The following DNAJC13 variants were observed in gnomAD, a reference collection of about 807,000 sequenced individuals.
DNAJC13 encodes the protein DnaJ heat shock protein family (Hsp40) member C13.
A neutral mutation model predicts 290.5 loss-of-function variants in DNAJC13; 75 were observed. That is an observed-to-expected ratio of 0.26 (90% CI 0.21 to 0.31). The LOEUF is 0.31. DNAJC13 is among the 10% of genes least tolerant of loss of function. DNAJC13 has a pLI of 1.00. For missense variants in DNAJC13, 2,260 were observed against 2,674.5 expected, an observed-to-expected ratio of 0.85 and a Z score of 3.42; for synonymous variants, 862 against 892.0, an observed-to-expected ratio of 0.97 and a Z score of 0.60.
intron 8 of DNAJC13, 101 bp downstream of exon 8, chr3:132,453,795 G>T: frequency 1.0e-6 from 1 of 956,414 alleles, no homozygotes; most frequent in Non-Finnish European, 1.6e-6. Context: ...AAAGAATATG[G>T]AATGGACAGA....
chr3:132,482,386 G>A (rs1219347347), intron 27 of DNAJC13, 56 bp downstream of exon 27: 7 of 1,375,352 alleles, frequency 5.1e-6, no homozygotes, highest in Middle Eastern at 1.8e-4. Context: ...ATGCCCTCCT[G>A]CTTAGCACTT....
chr3:132,508,040 T>G (rs1001817312), intron 43 of DNAJC13, among the ~76,000 whole-genome samples: 1 of 152,266 alleles, frequency 6.6e-6, no homozygotes, highest in Non-Finnish European at 1.5e-5. Flanking sequence ...TGACAAGAAA[T>G]TGAAACAGCC....
rs199984634 is a variant in DNAJC13 at position 132,479,207 on chromosome 3, A to T, written c.2710-20A>T. On this transcript the variant is annotated intron_variant, in intron 24 of 55. Transcript: ENST00000260818. ...TTTATTTCTATTCACTTCTGACCAG[A>T]TTCTCATTTATTTCAATAGTGCACA... 1.5e-5 allele frequency: 24 copies of T among 1,549,552 alleles called. No individual in the cohort carries two copies. The highest frequency in any genetic ancestry group is 2.0e-5 in the Non-Finnish European group (23 of 1,125,136).
chr3:132,447,582 AT>A (rs1200908865), intron 4 of DNAJC13, 112 bp downstream of exon 4: 1 of 1,127,362 alleles, frequency 8.9e-7, no homozygotes, highest in Non-Finnish European at 1.2e-6. Flanking sequence ...CACTATGATT[AT>A]TTTTTTCTTA....
intron 53 of DNAJC13, 89 bp downstream of exon 53, chr3:132,526,370 G>A: frequency 6.6e-7 from 1 of 1,526,144 alleles, no homozygotes; most frequent in Non-Finnish European, 8.9e-7. Context: ...TGGTTTCCTT[G>A]ACTTAAGGTT....
At chr3:132,461,027 G>A (rs777155465) in intron 14 of DNAJC13, 23 bp from the exon 15 acceptor site, 67 of 1,609,948 alleles carry the variant, frequency 4.2e-5, no homozygotes, top group Non-Finnish European at 5.3e-5. Flanking sequence ...AAGTCTTTAA[G>A]AGAATCTGTT....
rs930234532 is a variant in DNAJC13, at chr3:132,469,754, A to T, written c.2208+2441A>T. 2.0e-5 allele frequency among the ~76,000 whole-genome samples: 3 copies of T among 151,956 alleles called. No individual in the cohort carries two copies. In the South Asian group the frequency reaches 6.2e-4, roughly 31 times the overall value. ...GGAAACATTTTCTTATATAACTTTT[A>T]GGGTTTATATTTGAAATAATATCTT... On this transcript the variant is annotated intron_variant, in intron 20 of 55. Coordinates refer to ENST00000260818, the MANE Select transcript of DNAJC13 (RefSeq NM_015268.4).
intron 1 of DNAJC13, among the ~76,000 whole-genome samples, chr3:132,419,165 G>A (rs1047709219): frequency 3.9e-5 from 6 of 152,142 alleles, no homozygotes; most frequent in Admixed American, 2.0e-4. Context: ...TTGAAAACAG[G>A]AAGTAGAACA....
rs11394552 is a variant in DNAJC13 at position 132,532,714 on chromosome 3, G to GAAA, written c.6625+1624_6625+1626dup. Among the ~76,000 whole-genome samples the GAAA allele has an allele frequency of 2.7e-5, 4 of 150,274 alleles. No homozygotes were observed. In the East Asian group the frequency reaches 5.8e-4, roughly 22 times the overall value. On this transcript the variant is annotated intron_variant, in intron 55 of 55. Coordinates refer to ENST00000260818, the MANE Select transcript of DNAJC13 (RefSeq NM_015268.4). ...CTTTTTGTATAAGGATGGTATGATTGAAAAAAAAATCTGCCTTATTTTTAT... is the reference window on the plus strand; with the variant it reads ...CTTTTTGTATAAGGATGGTATGATTGAAAAAAAAAAAATCTGCCTTATTTTTAT...
chr3:132,481,778 C>T (rs1272521660), intron 26 of DNAJC13, among the ~76,000 whole-genome samples: 1 of 152,190 alleles, frequency 6.6e-6, no homozygotes, highest in Admixed American at 6.5e-5. Context: ...GCTTTGATCT[C>T]AGATACTTAT....
chr3:132,481,627 G>A (rs1238640777), intron 26 of DNAJC13, among the ~76,000 whole-genome samples: 2 of 152,112 alleles, frequency 1.3e-5, no homozygotes, highest in Admixed American at 6.5e-5. Flanking sequence ...AAAATAACCC[G>A]ACTACATAAA....
At chr3:132,467,567 G>A (rs1035470416) in intron 20 of DNAJC13, among the ~76,000 whole-genome samples, 6 of 152,048 alleles carry the variant, frequency 3.9e-5, no homozygotes, top group South Asian at 2.1e-4. Flanking sequence ...CTGGGTTCAC[G>A]CCATTCTCCT....
chr3:132,515,142 C>T (rs1302985276), intron 46 of DNAJC13, among the ~76,000 whole-genome samples: 1 of 152,104 alleles, frequency 6.6e-6, no homozygotes, highest in African/African-American at 2.4e-5. Flanking sequence ...ACACAGCCTG[C>T]CCTAATCTAT....
chr3:132,471,786 C>T (rs1186076978), intron 20 of DNAJC13, among the ~76,000 whole-genome samples: 1 of 143,556 alleles, frequency 7.0e-6, no homozygotes, highest in African/African-American at 2.5e-5. Flanking sequence ...AGAGGGGCTC[C>T]TCACATCCCA....
At position 132,499,216 on chromosome 3, in the gene DNAJC13, C is replaced by T. The variant is rs764951534; in HGVS notation, c.4247C>T (p.Ser1416Leu). The change falls in exon 37 of 56, where the codon TCA becomes TTA. Residue 1416 changes from serine to leucine, a missense_variant. Around this residue, in one of 3 missense-constraint regions of DNAJC13, gnomAD observed 1,494 missense variants for 1,693.7 expected, o/e 0.88. Transcript: ENST00000260818. ...TSDDLLFSKE[S>L]PLLPAATELA... is the part of the protein sequence containing the mutation. The stretch of plus-strand genomic sequence containing the variant: ...GATGACCTCCTTTTCTCAAAAGAAT[C>T]ACCATTGTTGCCTGCGGCTACAGAG... 6 of 1,613,974 alleles carry T rather than the reference C, an allele frequency of 3.7e-6. No homozygotes were observed. The African/African-American group carries it at 6.7e-5, about 18-fold the overall frequency.
At chr3:132,429,897 A>T (rs1395263544) in intron 1 of DNAJC13, among the ~76,000 whole-genome samples, 1 of 152,154 alleles carries the variant, frequency 6.6e-6, no homozygotes, top group Non-Finnish European at 1.5e-5. Flanking sequence ...TGCAGAGTAA[A>T]ACATCACTTG....
intron 2 of DNAJC13, among the ~76,000 whole-genome samples, chr3:132,440,904 G>A (rs1933043200): frequency 6.6e-6 from 1 of 152,234 alleles, no homozygotes; most frequent in South Asian, 2.1e-4. Flanking sequence ...TGTGGCTCGA[G>A]TTGGTGTGCT....
Position 132,470,847 on chromosome 3 carries a change from C to T in DNAJC13, c.2209-2298C>T, listed in dbSNP as rs1455516577. On this transcript the variant is annotated intron_variant, in intron 20 of 55. Transcript: ENST00000260818. ...GCGGCTGGCCAGGCGGGGGGCTGAT[C>T]CCCCCACCTCCCTCCCGGACAGGGC... Among the ~76,000 whole-genome samples the T allele has an allele frequency of 2.2e-3, 274 of 126,470 alleles. 38 individuals carry two copies. The highest frequency in any genetic ancestry group is 8.3e-3 in the African/African-American group (249 of 29,874). The allele number at this position is 126,470 out of a possible 152,430, so 83.0% of individuals were successfully genotyped here. A position where few individuals can be genotyped will look rare whatever the true frequency, so the allele number is the denominator to read the frequency against.
rs111930922 is a variant in DNAJC13, at chr3:132,474,231, G to GT, written c.2292-692dup. 3.3e-3 allele frequency: 491 copies of GT among 148,276 alleles called. 4 individuals are homozygous for GT. Among genetic ancestry groups the GT allele is most frequent in the African/African-American group, 0.01 (429 of 40,988 alleles). The allele number at this position is 148,276 out of a possible 1,614,324, so 9.2% of individuals were successfully genotyped here. ...TTGTATCTGACAAGAGAATTGTGGT[G>GT]TTTTTTTTTGTTTGTTTTTTGTTTT... On this transcript the variant is annotated intron_variant, in intron 21 of 55. Transcript: ENST00000260818.
Sources: allele counts gnomAD v4.1 joint callset (sites outside exome capture counted in the v4.1 genomes callset), GRCh38; gene constraint gnomAD v4.1.1; regional missense constraint gnomAD v4.1.1; transcripts MANE v1.5; gene names NCBI Gene and HGNC (gene_info 2026-07-23, HGNC 2026-07-21).